The following ACER1 variants were observed in gnomAD, a reference collection of about 807,000 sequenced individuals.
ACER1 encodes the protein alkaline ceramidase 1.
Under a neutral mutation model 24.9 loss-of-function variants are expected in ACER1, and 28 were observed. The observed-to-expected ratio is 1.13, with a 90% CI of 0.83 to 1.54. The LOEUF (loss-of-function observed/expected upper bound fraction) is 1.54, where lower values mean the gene tolerates loss of function less well. Among genes scored for constraint, ACER1 ranks in the 40% most tolerant of loss-of-function variants. ACER1 has a pLI of 0.00. For synonymous variants in ACER1, 132 were observed against 131.4 expected, an observed-to-expected ratio of 1.00 and a Z score of -0.03; for missense variants, 352 against 349.3, an observed-to-expected ratio of 1.01 and a Z score of -0.06.
intron 1 of ACER1, among the ~76,000 whole-genome samples, chr19:6,321,145 T>G (rs1214644415): frequency 6.6e-6 from 1 of 152,044 alleles, no homozygotes; most frequent in Admixed American, 6.6e-5. Context: ...TCTTTCTTTT[T>G]TTTTTTTTGA....
Position 6,311,106 on chromosome 19 carries a change from G to T in ACER1, c.350+1043C>A, listed in dbSNP as rs74712568. Among the ~76,000 whole-genome samples the T allele has an allele frequency of 1.4e-4, 22 of 151,920 alleles. No individual in the cohort carries two copies. In the East Asian group the frequency reaches 3.7e-3, roughly 25 times the overall value. On this transcript the variant is annotated intron_variant, in intron 3 of 5. Transcript: ENST00000301452. ...CAAGGAGTTCAGGGGATCCCAGCTG[G>T]GCTGAGAAGAGGGATCCCTGGGTCC...
rs150154745 is a variant in ACER1, at chr19:6,309,747, G to T, written c.438C>A (p.Leu146=). 19 of 1,614,012 alleles carry T rather than the reference G, an allele frequency of 1.2e-5. No individual in the cohort carries two copies. The African/African-American group carries it at 2.1e-4, about 18-fold the overall frequency. Residue 146 remains leucine (L), a synonymous_variant, in exon 4 of 6, where the codon CTC becomes CTA. Coordinates refer to ENST00000301452, the MANE Select transcript of ACER1 (RefSeq NM_133492.3). The stretch of plus-strand genomic sequence containing the variant: ...AGAGAATGTGCAGGGCAATGCTGTT[G>T]AGGGCGTAGGCGTTGACCGTGGGCC... ...FLRPTVNAYA[L]NSIALHILYI...
chr19:6,333,406 C>T (rs1428965655), intron 1 of ACER1, 53 bp downstream of exon 1: 9 of 1,448,832 alleles, frequency 6.2e-6, no homozygotes, highest in South Asian at 2.5e-5. Flanking sequence ...TGGGGAGGAA[C>T]CGGGATTCGA....
At chr19:6,349,548 C>A in the ACER1 span, among the ~76,000 whole-genome samples, 1 of 151,946 alleles carries the variant, frequency 6.6e-6, no homozygotes, top group South Asian at 2.1e-4. Flanking sequence ...GAAGGGCAGA[C>A]AGAACTGGGC....
chr19:6,320,425 G>T (rs539811014), intron 1 of ACER1, among the ~76,000 whole-genome samples: 1 of 152,228 alleles, frequency 6.6e-6, no homozygotes, highest in African/African-American at 2.4e-5. Context: ...CAATTCTCCT[G>T]CCTCAGCCTC....
chr19:6,329,479 C>A lies in ACER1; in HGVS notation c.93+3980G>T, dbSNP rs561395322. On this transcript the variant is annotated intron_variant, in intron 1 of 5. Transcript: ENST00000301452. ...GCAACTTTTGTTTCTGTATGATACA[C>A]ATCTGGAAAGGCAGGTACAGGATGA... Among the ~76,000 whole-genome samples, 23 of 152,202 alleles carry A rather than the reference C, an allele frequency of 1.5e-4. No individual in the cohort carries two copies. In the South Asian group the frequency reaches 3.9e-3, roughly 26 times the overall value.
chr19:6,327,217 G>C (rs1298444927), intron 1 of ACER1, among the ~76,000 whole-genome samples: 1 of 152,126 alleles, frequency 6.6e-6, no homozygotes, highest in Non-Finnish European at 1.5e-5. Context: ...GATCGCCTGA[G>C]GTCAGGAGTT....
the ACER1 span, among the ~76,000 whole-genome samples, chr19:6,356,672 G>A: frequency 1.3e-5 from 2 of 151,192 alleles, no homozygotes; most frequent in South Asian, 4.2e-4. Context: ...TAAACAATAT[G>A]CTGTTTTTGC....
In ACER1 at chr19:6,318,621, C is replaced by CA. The variant is rs1250583933; in HGVS notation, c.94-6123dup. Among the ~76,000 whole-genome samples, 411 of 81,980 alleles carry CA rather than the reference C, an allele frequency of 5.0e-3. 1 individual carries two copies. Among genetic ancestry groups the CA allele is most frequent in the Middle Eastern group, 8.8e-3 (1 of 114 alleles). 53.8% of individuals were successfully genotyped at this position (81,980 alleles called of 152,430 possible). ...TGAAACACCGTCTCTACTAAAAATA[C>CA]AAAAAAAAAAAAAAAATAGCTGGGT... On this transcript the variant is annotated intron_variant, in intron 1 of 5. Coordinates refer to ENST00000301452, the MANE Select transcript of ACER1 (RefSeq NM_133492.3).
chr19:6,340,310 AGG>A, the ACER1 span, among the ~76,000 whole-genome samples: 8 of 11,508 alleles, frequency 7.0e-4, 1 homozygote, highest in South Asian at 0.027. Flanking sequence ...GAAGGAAGGA[AGG>A]AAGGAAGGAA....
the ACER1 span, among the ~76,000 whole-genome samples, chr19:6,351,490 A>T: frequency 6.9e-6 from 1 of 144,628 alleles, no homozygotes; most frequent in Non-Finnish European, 1.5e-5. Flanking sequence ...CAGCACTTTG[A>T]GAGGCTGAGG....
the ACER1 span, among the ~76,000 whole-genome samples, chr19:6,351,010 G>T: frequency 6.6e-6 from 1 of 152,078 alleles, no homozygotes; most frequent in Non-Finnish European, 1.5e-5. Flanking sequence ...GTCAGTCATT[G>T]GTATTTCTCT....
intron 1 of ACER1, among the ~76,000 whole-genome samples, chr19:6,315,996 T>C (rs971635719): frequency 5.9e-5 from 9 of 151,974 alleles, no homozygotes; most frequent in Non-Finnish European, 1.0e-4. Context: ...GGCATGGTGG[T>C]GTGTGCCTGT....
chr19:6,312,128 G>C lies in ACER1; in HGVS notation c.350+21C>G, dbSNP rs150545758. 692 of 1,611,234 alleles carry C rather than the reference G, an allele frequency of 4.3e-4. 5 individuals carry two copies. In the African/African-American group the frequency reaches 8.0e-3, roughly 19 times the overall value. On this transcript the variant is annotated intron_variant, in intron 3 of 5. Coordinates refer to ENST00000301452, the MANE Select transcript of ACER1 (RefSeq NM_133492.3). The stretch of plus-strand genomic sequence containing the variant: ...GAAGACTCAGACCCCACCCTGTCCA[G>C]ATGGCCAGCCCCTGACCCACCTGTT...
At chr19:6,325,290 G>C (rs775941138) in intron 1 of ACER1, among the ~76,000 whole-genome samples, 1 of 152,086 alleles carries the variant, frequency 6.6e-6, no homozygotes, top group Admixed American at 6.6e-5. Flanking sequence ...CTCCCCCATC[G>C]ACTGGGGAGA....
intron 1 of ACER1, among the ~76,000 whole-genome samples, chr19:6,317,444 G>A (rs1179018305): frequency 1.3e-5 from 2 of 152,218 alleles, no homozygotes; most frequent in Admixed American, 6.5e-5. Context: ...CCATGCCAAC[G>A]CCTCCATGCG....
At chr19:6,321,920 G>A (rs2091633231) in intron 1 of ACER1, among the ~76,000 whole-genome samples, 1 of 151,786 alleles carries the variant, frequency 6.6e-6, no homozygotes, top group African/African-American at 2.4e-5. Flanking sequence ...CCGGCAGGGA[G>A]TTTTGGTGCT....
At chr19:6,311,547 GGAA>G (rs1419249319) in intron 3 of ACER1, among the ~76,000 whole-genome samples, 16 of 150,110 alleles carry the variant, frequency 1.1e-4, no homozygotes, top group South Asian at 2.1e-4. Context: ...GTCTCAAAAA[GGAA>G]GAAGAAGGAG....
rs918645517 is a variant in ACER1, at chr19:6,329,572, C to T, written c.93+3887G>A. ...GGAGTTTGACAACTGCAGCCTTACC[C>T]GGTAGCTACAGGTGGCTCAATTTAT... On this transcript the variant is annotated intron_variant, in intron 1 of 5. Transcript: ENST00000301452. Among the ~76,000 whole-genome samples, 18 of 152,126 alleles carry T rather than the reference C, an allele frequency of 1.2e-4. 2 individuals are homozygous for T. The highest frequency in any genetic ancestry group is 1.4e-4 in the African/African-American group (6 of 41,518).
Sources: allele counts gnomAD v4.1 joint callset (sites outside exome capture counted in the v4.1 genomes callset), GRCh38; gene constraint gnomAD v4.1.1; transcripts MANE v1.5; gene names NCBI Gene and HGNC (gene_info 2026-07-23, HGNC 2026-07-21).